CSMD1: variants seen among roughly 807,000 people sequenced by gnomAD.
CSMD1 encodes CUB and Sushi multiple domains 1, also known as CUB and sushi domain-containing protein 1.
CSMD1 carries 213 observed loss-of-function variants against 417.5 expected under a neutral mutation model. The observed-to-expected ratio is 0.51, with a 90% CI of 0.46 to 0.57. The LOEUF is 0.57. Among genes scored for constraint, CSMD1 ranks in the 20% least tolerant of loss-of-function variants. The pLI, the probability that CSMD1 is intolerant of heterozygous loss-of-function variation, is 0.00. For missense variants in CSMD1, 6,923 were observed against 4,529.7 expected (o/e 1.53, Z -15.17); for synonymous variants, 2,862 against 1,736.8 (o/e 1.65, Z -16.11).
At chr8:4,715,252 G>C (rs1159572862) in intron 1 of CSMD1, among the ~76,000 whole-genome samples, 1 of 152,152 alleles carries the variant, frequency 6.6e-6, no homozygotes, top group African/African-American at 2.4e-5. Context: ...AACCTAACCT[G>C]TGTTTGGCTC....
intron 41 of CSMD1, among the ~76,000 whole-genome samples, chr8:3,133,235 G>A (rs1279030217): frequency 2.6e-5 from 4 of 152,064 alleles, no homozygotes; most frequent in Non-Finnish European, 5.9e-5. Context: ...CTGTCCCAAT[G>A]GGGCCCCTTC....
At chr8:3,522,241 T>G (rs1224055885) in intron 10 of CSMD1, among the ~76,000 whole-genome samples, 1 of 152,230 alleles carries the variant, frequency 6.6e-6, no homozygotes, top group Non-Finnish European at 1.5e-5. Flanking sequence ...TTGCATATGA[T>G]ATTACTTTGA....
chr8:3,938,302 C>A (rs550752844), intron 5 of CSMD1, among the ~76,000 whole-genome samples: 1 of 152,034 alleles, frequency 6.6e-6, no homozygotes, highest in South Asian at 2.1e-4. Flanking sequence ...TGCTGGAGTT[C>A]CTTAAATAAT....
chr8:4,812,311 T>C (rs1798953614), intron 1 of CSMD1, among the ~76,000 whole-genome samples: 1 of 152,194 alleles, frequency 6.6e-6, no homozygotes, highest in African/African-American at 2.4e-5. Context: ...TTTGGGATAG[T>C]GGCTGCTTCC....
intron 2 of CSMD1, among the ~76,000 whole-genome samples, chr8:4,464,660 C>T (rs1800048284): frequency 6.6e-6 from 1 of 152,038 alleles, no homozygotes; most frequent in Admixed American, 6.6e-5. Flanking sequence ...AAGTCAGGGG[C>T]CGCCTGTAGT....
intron 7 of CSMD1, among the ~76,000 whole-genome samples, chr8:3,651,231 C>T (rs994640638): frequency 1.3e-5 from 2 of 152,168 alleles, no homozygotes; most frequent in African/African-American, 4.8e-5. Context: ...ACACCTAAGA[C>T]AGATCGTATC....
intron 1 of CSMD1, among the ~76,000 whole-genome samples, chr8:4,984,630 G>A (rs1039150059): frequency 5.3e-5 from 8 of 152,086 alleles, no homozygotes; most frequent in African/African-American, 1.7e-4. Context: ...ATAGATTAGG[G>A]TAGTCATAGC....
intron 49 of CSMD1, among the ~76,000 whole-genome samples, chr8:3,070,363 A>G (rs1374616838): frequency 1.3e-5 from 2 of 152,196 alleles, no homozygotes; most frequent in East Asian, 1.9e-4. Context: ...ACTTTTATGC[A>G]TTGCTTCCTG....
chr8:4,579,914 A>T (rs1039374228), intron 2 of CSMD1, among the ~76,000 whole-genome samples: 2 of 151,918 alleles, frequency 1.3e-5, no homozygotes, highest in African/African-American at 4.8e-5. Context: ...TAAGTCTTTA[A>T]CTCCAGATGC....
At chr8:3,176,438 ACTT>A (rs1196964802) in intron 37 of CSMD1, among the ~76,000 whole-genome samples, 4 of 152,168 alleles carry the variant, frequency 2.6e-5, no homozygotes, top group Non-Finnish European at 5.9e-5. Context: ...TTCAAAAAAA[ACTT>A]CTCCACAGTT....
At chr8:3,995,030 C>T (rs554901720) in intron 5 of CSMD1, among the ~76,000 whole-genome samples, 2 of 152,244 alleles carry the variant, frequency 1.3e-5, no homozygotes, top group South Asian at 4.1e-4. Context: ...TGCTCCCCGT[C>T]CCTGTCTATG....
intron 1 of CSMD1, among the ~76,000 whole-genome samples, chr8:4,801,164 A>G (rs9644374): frequency 0.064 from 9,743 of 152,296 alleles, 522 homozygotes; most frequent in East Asian, 0.23. Context: ...TCAATGTCTT[A>G]CTTCAGACTG....
chr8:3,314,029 C>T (rs887974206), intron 23 of CSMD1, among the ~76,000 whole-genome samples: 2 of 151,806 alleles, frequency 1.3e-5, no homozygotes, highest in African/African-American at 2.4e-5. Flanking sequence ...GACAAAAAAC[C>T]AAACACCTCA....
intron 12 of CSMD1, among the ~76,000 whole-genome samples, chr8:3,439,309 A>ATATATATATTTTTTTTTT: frequency 1.1e-4 from 7 of 62,474 alleles, no homozygotes; most frequent in Non-Finnish European, 1.7e-4. Context: ...ATATATATAT[A>ATATATATATTTTTTTTTT]TTTTTTTTTT....
rs375036360 is a variant in CSMD1 at position 4,961,184 on chromosome 8, C to T, written c.85+33148G>A. ...GTTTTCCTGTAATTGATACATCTTACTTTTAGAATGCATAGTATTCTGTGT... is the reference window on the plus strand; with the variant it reads ...GTTTTCCTGTAATTGATACATCTTATTTTTAGAATGCATAGTATTCTGTGT... On this transcript the variant is annotated intron_variant, in intron 1 of 69. Transcript: ENST00000635120. Among the ~76,000 whole-genome samples, 85 of 152,282 alleles carry T rather than the reference C, an allele frequency of 5.6e-4. 1 individual carries two copies. In the East Asian group the frequency reaches 8.9e-3, roughly 16 times the overall value.
intron 7 of CSMD1, among the ~76,000 whole-genome samples, chr8:3,673,242 G>C (rs75680834): frequency 6.6e-6 from 1 of 152,050 alleles, no homozygotes; most frequent in Admixed American, 6.6e-5. Context: ...TTCCAAATTC[G>C]TTTCTATTGA....
chr8:4,589,761 T>C (rs1196447859), intron 2 of CSMD1, among the ~76,000 whole-genome samples: 1 of 152,212 alleles, frequency 6.6e-6, no homozygotes, highest in Non-Finnish European at 1.5e-5. Context: ...ATAAAAATAA[T>C]TAGTTGCCAA....
chr8:4,045,862 A>AT (rs553388604), intron 3 of CSMD1, among the ~76,000 whole-genome samples: 38 of 149,820 alleles, frequency 2.5e-4, no homozygotes, highest in Admixed American at 7.3e-4. Flanking sequence ...GCACTGCATT[A>AT]TTTTTTTTTT....
chr8:3,600,353 C>A (rs987375366), intron 8 of CSMD1, among the ~76,000 whole-genome samples: 1 of 152,114 alleles, frequency 6.6e-6, no homozygotes, highest in Admixed American at 6.6e-5. Context: ...ACCTTTAGAT[C>A]CTAGTTAAAT....
Sources: allele counts gnomAD v4.1 joint callset (sites outside exome capture counted in the v4.1 genomes callset), GRCh38; gene constraint gnomAD v4.1.1; transcripts MANE v1.5; gene names NCBI Gene and HGNC (gene_info 2026-07-23, HGNC 2026-07-21).